The following KBTBD11 variants were observed in gnomAD, a reference collection of about 807,000 sequenced individuals.
KBTBD11 encodes the protein kelch repeat and BTB domain containing 11.
For missense variants in KBTBD11, 1,390 were observed against 1,001.8 expected (o/e 1.39, Z -5.23); for synonymous variants, 747 against 499.0 (o/e 1.50, Z -6.63).
chr8:1,986,387 C>G (rs1816706590), intron 1 of KBTBD11, among the ~76,000 whole-genome samples: 1 of 152,188 alleles, frequency 6.6e-6, no homozygotes, highest in Non-Finnish European at 1.5e-5. Context: ...GCCCTCCTTT[C>G]AGTTTATACC....
In KBTBD11 at chr8:1,973,993, C is replaced by T. The variant is rs1158851432; in HGVS notation, c.-909+58C>T. ...CCTGGCGGGCGGAGCGGGAAGCAGC[C>T]CGAGGCGCGGGTCGGAGGGGGCGGC... On this transcript the variant is annotated intron_variant, in intron 1 of 1. Transcript: ENST00000320248. The T allele has an allele frequency of 1.2e-5, 12 of 973,930 alleles. 1 individual carries two copies. In the African/African-American group the frequency reaches 2.1e-4, roughly 17 times the overall value. 60.3% of individuals were successfully genotyped at this position (973,930 alleles called of 1,614,324 possible). A position where few individuals can be genotyped will look rare whatever the true frequency, so the allele number is the denominator to read the frequency against.
intron 1 of KBTBD11, among the ~76,000 whole-genome samples, chr8:1,988,715 C>G (rs576402436): frequency 6.6e-6 from 1 of 152,210 alleles, no homozygotes; most frequent in Non-Finnish European, 1.5e-5. Context: ...CGCTTGCCTT[C>G]TGCACTGAGG....
chr8:1,993,612 C>T (rs974964273), intron 1 of KBTBD11, among the ~76,000 whole-genome samples: 1 of 149,428 alleles, frequency 6.7e-6, no homozygotes, highest in African/African-American at 2.5e-5. Context: ...CACAGTCCAG[C>T]CTGTGCTAAT....
intron 1 of KBTBD11, among the ~76,000 whole-genome samples, chr8:1,991,393 C>G (rs538284314): frequency 2.6e-4 from 39 of 152,370 alleles, no homozygotes; most frequent in African/African-American, 7.2e-4. Context: ...TATTAGCGAA[C>G]TTACCTCAGA....
At chr8:1,987,514 G>A (rs188103525) in intron 1 of KBTBD11, among the ~76,000 whole-genome samples, 4 of 152,198 alleles carry the variant, frequency 2.6e-5, no homozygotes, top group East Asian at 1.9e-4. Context: ...CAAGGTGACC[G>A]GGCCCTTGTG....
intron 1 of KBTBD11, among the ~76,000 whole-genome samples, chr8:1,977,407 A>T (rs765948692): frequency 5.9e-5 from 9 of 152,168 alleles, no homozygotes; most frequent in Non-Finnish European, 1.3e-4. Context: ...GAAGTGTACC[A>T]TCTTTGTCCT....
In KBTBD11 at chr8:1,973,851, C is replaced by T; in HGVS notation, c.-993C>T. ...GCCGGGCCGCGGCTCCCACAGGTGC[C>T]GGGAAGCGGCCGCGCGCATGCGCCG... On this transcript the variant is annotated 5_prime_UTR_variant, in exon 1 of 2. Transcript: ENST00000320248. The T allele has an allele frequency of 1.0e-6, 1 of 982,826 alleles. No homozygotes were observed. The highest frequency in any genetic ancestry group is 1.8e-5 in the African/African-American group (1 of 56,890). The allele number at this position is 982,826 out of a possible 1,614,324, so 60.9% of individuals were successfully genotyped here. A position where few individuals can be genotyped will look rare whatever the true frequency, so the allele number is the denominator to read the frequency against.
intron 1 of KBTBD11, among the ~76,000 whole-genome samples, chr8:1,996,122 G>T (rs938633512): frequency 1.3e-5 from 2 of 152,180 alleles, no homozygotes; most frequent in South Asian, 2.1e-4. Flanking sequence ...TTAACCTTGC[G>T]ATTCATTGGC....
intron 1 of KBTBD11, chr8:1,974,290 C>G (rs1816240900): frequency 4.1e-6 from 4 of 983,852 alleles, no homozygotes; most frequent in Non-Finnish European, 4.8e-6. Context: ...CGCGGCAACC[C>G]CGGCCGGAAG....
In KBTBD11 at chr8:2,006,219, C is replaced by T. The variant is rs931208166; in HGVS notation, c.*3155C>T. On this transcript the variant is annotated 3_prime_UTR_variant, in exon 2 of 2. Transcript: ENST00000320248. ...TCACTTCAGTAATTCTGGTAGCAGC[C>T]GTTGAATCTGTCAGTCTCTTAGGTA... is the stretch of plus-strand genomic sequence containing the variant. 6.6e-5 allele frequency: 11 copies of T among 167,062 alleles called. No individual in the cohort carries two copies. Among genetic ancestry groups the T allele is most frequent in the South Asian group, 4.1e-4 (2 of 4,834 alleles). The allele number at this position is 167,062 out of a possible 1,614,324, so 10.3% of individuals were successfully genotyped here.
rs1382597498 is a variant in KBTBD11, at chr8:2,000,884, G to A, written c.-309G>A. ...GCTGGATGTTGGCTGACGCGGTCCTGGCGCCAGCTGGAGATCCATTCACCA... is the reference window on the plus strand; with the variant it reads ...GCTGGATGTTGGCTGACGCGGTCCTAGCGCCAGCTGGAGATCCATTCACCA... On this transcript the variant is annotated 5_prime_UTR_variant, in exon 2 of 2. Coordinates refer to ENST00000320248, the MANE Select transcript of KBTBD11 (RefSeq NM_014867.3). 1.5e-5 allele frequency: 5 copies of A among 326,968 alleles called. No homozygotes were observed. The highest frequency in any genetic ancestry group is 2.1e-5 in the African/African-American group (1 of 47,014). The allele number at this position is 326,968 out of a possible 1,614,324, so 20.3% of individuals were successfully genotyped here. A position where few individuals can be genotyped will look rare whatever the true frequency, so the allele number is the denominator to read the frequency against.
intron 1 of KBTBD11, among the ~76,000 whole-genome samples, chr8:1,984,152 C>T (rs1270613978): frequency 6.6e-6 from 1 of 151,442 alleles, no homozygotes. Flanking sequence ...AAGAGTCACA[C>T]GTGGGCCAGT....
At chr8:1,980,696 C>T (rs540862728) in intron 1 of KBTBD11, among the ~76,000 whole-genome samples, 1 of 152,206 alleles carries the variant, frequency 6.6e-6, no homozygotes, top group Non-Finnish European at 1.5e-5. Context: ...CCTGGAGCCT[C>T]CGCCAGCTGG....
chr8:1,993,919 C>G (rs1204050597), intron 1 of KBTBD11, among the ~76,000 whole-genome samples: 1 of 54,546 alleles, frequency 1.8e-5, no homozygotes, highest in Non-Finnish European at 4.4e-5. Flanking sequence ...ACACAATACC[C>G]CCTACACACA....
chr8:2,004,896 A>G lies in KBTBD11; in HGVS notation c.*1832A>G, dbSNP rs1037339723. The G allele has an allele frequency of 6.0e-6, 1 of 167,034 alleles. No homozygotes were observed. The highest frequency in any genetic ancestry group is 1.5e-5 in the Non-Finnish European group (1 of 68,120). The allele number at this position is 167,034 out of a possible 1,614,324, so 10.3% of individuals were successfully genotyped here. A position where few individuals can be genotyped will look rare whatever the true frequency, so the allele number is the denominator to read the frequency against. ...CACACTGTCCTGCCTTTTCCTCTAG[A>G]ATTTTATTAATGGTAGAAATTTTTA... On this transcript the variant is annotated 3_prime_UTR_variant, in exon 2 of 2. Transcript: ENST00000320248.
At chr8:1,999,018 G>A (rs1262154837) in intron 1 of KBTBD11, among the ~76,000 whole-genome samples, 7 of 152,202 alleles carry the variant, frequency 4.6e-5, no homozygotes, top group African/African-American at 1.7e-4. Context: ...GCTATTGTCT[G>A]TGACCTACCC....
chr8:1,974,338 C>T (rs1267679750), intron 1 of KBTBD11: 14 of 984,792 alleles, frequency 1.4e-5, no homozygotes, highest in Non-Finnish European at 1.7e-5. Flanking sequence ...AGTCACCGCC[C>T]CCGCCGAGGG....
At chr8:1,981,177 T>G (rs1184594474) in intron 1 of KBTBD11, among the ~76,000 whole-genome samples, 1 of 152,164 alleles carries the variant, frequency 6.6e-6, no homozygotes, top group African/African-American at 2.4e-5. Flanking sequence ...AACCAAGATT[T>G]CTGTACCCAG....
chr8:2,002,861 G>A lies in KBTBD11; in HGVS notation c.1669G>A (p.Ala557Thr). Residue 557 changes from alanine to threonine, a missense_variant, in exon 2 of 2, where the codon GCC becomes ACC. Transcript: ENST00000320248. This position sits in a 1 kb window ranked among gnomAD's most constrained non-coding sequence, Gnocchi z 4.1. ...PTGLQPFRCA[A>T]LDGAIYCVSR... Reference sequence around the variant, plus strand: ...GGGCCTGCAGCCCTTCCGCTGCGCCGCCCTGGACGGCGCCATCTACTGCGT... The same window carrying A: ...GGGCCTGCAGCCCTTCCGCTGCGCCACCCTGGACGGCGCCATCTACTGCGT... The A allele has an allele frequency of 7.3e-7, 1 of 1,373,810 alleles. No individual in the cohort carries two copies. The highest frequency in any genetic ancestry group is 9.3e-7 in the Non-Finnish European group (1 of 1,072,680). The allele number at this position is 1,373,810 out of a possible 1,614,324, so 85.1% of individuals were successfully genotyped here.
Sources: gnomAD v4.1 joint callset for allele counts (sites outside exome capture counted in the v4.1 genomes callset) on GRCh38, gnomAD v4.1.1 for gene constraint, Gnocchi (gnomAD v3.1) non-coding constraint, MANE v1.5 for transcripts, NCBI Gene and HGNC (gene_info 2026-07-23, HGNC 2026-07-21) for gene names.